HEMK2: variants seen among roughly 807,000 people sequenced by gnomAD.
HEMK2 encodes the protein methyltransferase HEMK2.
the HEMK2 span, among the ~76,000 whole-genome samples, chr21:28,818,316 C>T: frequency 6.6e-6 from 1 of 152,186 alleles, no homozygotes; most frequent in East Asian, 1.9e-4. Context: ...CTGAAGGCTG[C>T]ACTGTTGGCT....
the HEMK2 span, among the ~76,000 whole-genome samples, chr21:28,682,031 AAAAGAC>A: frequency 6.6e-6 from 1 of 152,238 alleles, no homozygotes; most frequent in Admixed American, 6.5e-5. Flanking sequence ...CAATGGCAAC[AAAAGAC>A]AAAATTGACA....
chr21:28,722,741 G>A, the HEMK2 span, among the ~76,000 whole-genome samples: 98 of 152,224 alleles, frequency 6.4e-4, 1 homozygote, highest in Admixed American at 1.2e-3. Flanking sequence ...AAAATTAGCC[G>A]GGCATGGTGG....
the HEMK2 span, among the ~76,000 whole-genome samples, chr21:28,824,007 G>T: frequency 6.6e-6 from 1 of 152,136 alleles, no homozygotes; most frequent in Non-Finnish European, 1.5e-5. Context: ...GGCTAAATTT[G>T]CATTTTTTTA....
chr21:28,854,666 C>A, the HEMK2 span, among the ~76,000 whole-genome samples: 8 of 152,274 alleles, frequency 5.3e-5, 1 homozygote, highest in South Asian at 1.7e-3. Flanking sequence ...TGTTGGAGGG[C>A]AGGAAGCATC....
chr21:28,811,274 A>G, the HEMK2 span, among the ~76,000 whole-genome samples: 23 of 147,818 alleles, frequency 1.6e-4, no homozygotes, highest in Admixed American at 6.7e-4. Context: ...AAGAAAGAGA[A>G]AGAAAGAAAA....
At chr21:28,728,838 T>C in the HEMK2 span, among the ~76,000 whole-genome samples, 1 of 152,000 alleles carries the variant, frequency 6.6e-6, no homozygotes, top group Non-Finnish European at 1.5e-5. Context: ...GACAGTACAT[T>C]TTAATCTTCT....
chr21:28,818,624 A>T, the HEMK2 span, among the ~76,000 whole-genome samples: 1 of 152,014 alleles, frequency 6.6e-6, no homozygotes, highest in Admixed American at 6.6e-5. Flanking sequence ...TTTTCAGCAA[A>T]TCCATATCTT....
At chr21:28,713,529 G>C in the HEMK2 span, among the ~76,000 whole-genome samples, 3 of 152,074 alleles carry the variant, frequency 2.0e-5, no homozygotes, top group South Asian at 2.1e-4. Context: ...TGGGGGCTTT[G>C]CATGTACAGT....
the HEMK2 span, among the ~76,000 whole-genome samples, chr21:28,862,033 T>A: frequency 6.6e-6 from 1 of 152,184 alleles, no homozygotes; most frequent in Admixed American, 6.5e-5. Context: ...TACCTTTAAG[T>A]CAACACACTA....
At chr21:28,664,750 G>A in the HEMK2 span, among the ~76,000 whole-genome samples, 2 of 152,074 alleles carry the variant, frequency 1.3e-5, no homozygotes, top group African/African-American at 2.4e-5. Context: ...TATTTCACAG[G>A]TTGAAATGCT....
chr21:28,680,742 T>C, the HEMK2 span, among the ~76,000 whole-genome samples: 1 of 152,170 alleles, frequency 6.6e-6, no homozygotes, highest in Non-Finnish European at 1.5e-5. Flanking sequence ...CAAGGCTGGT[T>C]CAACATATGC....
chr21:28,704,900 C>G, the HEMK2 span, among the ~76,000 whole-genome samples: 4 of 152,222 alleles, frequency 2.6e-5, no homozygotes, highest in African/African-American at 9.6e-5. Flanking sequence ...GCAGCAAGCA[C>G]TGATGTTTTC....
At chr21:28,742,053 C>A in the HEMK2 span, among the ~76,000 whole-genome samples, 1 of 152,106 alleles carries the variant, frequency 6.6e-6, no homozygotes, top group Non-Finnish European at 1.5e-5. Flanking sequence ...CGCTCAGGAC[C>A]AAATCTGCCA....
the HEMK2 span, among the ~76,000 whole-genome samples, chr21:28,720,783 G>C: frequency 0.56 from 85,705 of 151,922 alleles, 27,168 homozygotes; most frequent in African/African-American, 0.85. Flanking sequence ...GGGCTCCACC[G>C]TGAGAAACTA....
the HEMK2 span, among the ~76,000 whole-genome samples, chr21:28,814,928 C>T: frequency 1.3e-5 from 2 of 152,128 alleles, no homozygotes; most frequent in African/African-American, 2.4e-5. Context: ...AACACATGCA[C>T]ACGTATGTTT....
the HEMK2 span, among the ~76,000 whole-genome samples, chr21:28,575,976 T>C: frequency 7.9e-5 from 12 of 152,238 alleles, no homozygotes; most frequent in African/African-American, 2.9e-4. Context: ...CCACACATTG[T>C]TTAATTATTC....
chr21:28,826,608 C>A, the HEMK2 span, among the ~76,000 whole-genome samples: 1 of 152,150 alleles, frequency 6.6e-6, no homozygotes, highest in Non-Finnish European at 1.5e-5. Context: ...TAACGTTATC[C>A]ACAGACTGTA....
chr21:28,696,163 G>T, the HEMK2 span, among the ~76,000 whole-genome samples: 3 of 151,990 alleles, frequency 2.0e-5, no homozygotes, highest in Non-Finnish European at 2.9e-5. Flanking sequence ...CACAAGAACA[G>T]TTTTGTGGGA....
chr21:28,803,014 A>G, the HEMK2 span, among the ~76,000 whole-genome samples: 1 of 152,234 alleles, frequency 6.6e-6, no homozygotes, highest in Non-Finnish European at 1.5e-5. Flanking sequence ...TGGCAGCAGC[A>G]CAGCATTAAA....
Sources: gnomAD v4.1 joint callset for allele counts (sites outside exome capture counted in the v4.1 genomes callset) on GRCh38, gnomAD v4.1.1 for gene constraint, MANE v1.5 for transcripts, NCBI Gene and HGNC (gene_info 2026-07-23, HGNC 2026-07-21) for gene names.